Variants in ARHGAP24 observed in about 807,000 individuals in gnomAD.
ARHGAP24 encodes the protein Rho GTPase activating protein 24, also known as rho GTPase-activating protein 24.
Under a neutral mutation model 76.4 loss-of-function variants are expected in ARHGAP24, and 50 were observed. The observed-to-expected ratio is 0.65, with a 90% CI of 0.52 to 0.83. The LOEUF is 0.83. ARHGAP24 is among the 40% of genes least tolerant of loss of function. The pLI, the probability that ARHGAP24 is intolerant of heterozygous loss-of-function variation, is 0.00. For missense variants in ARHGAP24, 930 were observed against 914.2 expected (o/e 1.02, Z -0.22); for synonymous variants, 345 against 323.3 (o/e 1.07, Z -0.72).
intron 2 of ARHGAP24, among the ~76,000 whole-genome samples, chr4:85,704,717 A>G (rs1196993138): frequency 6.6e-6 from 1 of 152,160 alleles, no homozygotes; most frequent in Non-Finnish European, 1.5e-5. Flanking sequence ...TTACAAAGGA[A>G]ACTCCGAGGA....
chr4:85,936,210 C>T (rs1429575106), intron 4 of ARHGAP24, among the ~76,000 whole-genome samples: 2 of 152,000 alleles, frequency 1.3e-5, no homozygotes, highest in Admixed American at 6.6e-5. Context: ...GATCTGCAGA[C>T]AAGAAGGGAT....
chr4:85,685,663 T>G (rs987340888), intron 2 of ARHGAP24, among the ~76,000 whole-genome samples: 17 of 142,578 alleles, frequency 1.2e-4, no homozygotes, highest in African/African-American at 5.2e-4. Flanking sequence ...GAAAAAGAAG[T>G]CTCCACAAAG....
intron 1 of ARHGAP24, among the ~76,000 whole-genome samples, chr4:85,562,669 T>G (rs1726644626): frequency 6.6e-6 from 1 of 152,132 alleles, no homozygotes; most frequent in South Asian, 2.1e-4. Context: ...CCTACCACAC[T>G]CTTACTTTCA....
Position 85,644,678 on chromosome 4 carries a change from A to T in ARHGAP24, c.180+73957A>T, listed in dbSNP as rs565433818. The stretch of plus-strand genomic sequence containing the variant: ...CAAGAAATACTAATTAATGATAATG[A>T]CATGTATGTATGGCATCTCATAAAT... On this transcript the variant is annotated intron_variant, in intron 2 of 9. Coordinates refer to ENST00000395184, the MANE Select transcript of ARHGAP24 (RefSeq NM_001025616.3). Among the ~76,000 whole-genome samples, 8 of 152,304 alleles carry T rather than the reference A, an allele frequency of 5.3e-5. No homozygotes were observed. The South Asian group carries it at 1.7e-3, about 32-fold the overall frequency.
At chr4:85,487,552 T>C (rs1723137050) in intron 1 of ARHGAP24, among the ~76,000 whole-genome samples, 2 of 109,224 alleles carry the variant, frequency 1.8e-5, no homozygotes, top group Admixed American at 2.5e-4. Context: ...ATATATTTAT[T>C]ACATATTATA....
intron 3 of ARHGAP24, among the ~76,000 whole-genome samples, chr4:85,801,106 A>C (rs999838070): frequency 6.6e-6 from 1 of 152,178 alleles, no homozygotes; most frequent in Non-Finnish European, 1.5e-5. Flanking sequence ...ATTTTAAACT[A>C]TCTATAGTTT....
At chr4:85,936,760 A>G (rs1736658820) in intron 4 of ARHGAP24, among the ~76,000 whole-genome samples, 1 of 152,192 alleles carries the variant, frequency 6.6e-6, no homozygotes, top group Admixed American at 6.5e-5. Context: ...ACTTCACAGA[A>G]GATGTATGAG....
chr4:85,858,762 G>A (rs1488448827), intron 3 of ARHGAP24, among the ~76,000 whole-genome samples: 1 of 152,074 alleles, frequency 6.6e-6, no homozygotes, highest in Admixed American at 6.6e-5. Context: ...AAGGTGATCT[G>A]TACAAACGGT....
At chr4:85,842,816 G>A (rs1460715595) in intron 3 of ARHGAP24, among the ~76,000 whole-genome samples, 4 of 152,156 alleles carry the variant, frequency 2.6e-5, no homozygotes, top group Non-Finnish European at 4.4e-5. Flanking sequence ...TTTATTGAAC[G>A]TCTACTCTGT....
intron 4 of ARHGAP24, chr4:85,930,209 C>T: frequency 1.0e-6 from 1 of 980,592 alleles, no homozygotes; most frequent in Non-Finnish European, 1.2e-6. Context: ...AAGCTGCCTC[C>T]CCCCACAGAT....
intron 1 of ARHGAP24, among the ~76,000 whole-genome samples, chr4:85,519,845 GA>G (rs1176279674): frequency 6.6e-6 from 1 of 152,016 alleles, no homozygotes; most frequent in African/African-American, 2.4e-5. Context: ...AAAAACCAAA[GA>G]AAACTCTTTG....
chr4:85,947,105 T>A (rs1275117987), intron 5 of ARHGAP24, among the ~76,000 whole-genome samples: 1 of 152,230 alleles, frequency 6.6e-6, no homozygotes, highest in African/African-American at 2.4e-5. Flanking sequence ...TTTTTTCATA[T>A]GTTTGTTGGC....
chr4:85,531,794 T>A (rs754666808), intron 1 of ARHGAP24, among the ~76,000 whole-genome samples: 1 of 152,114 alleles, frequency 6.6e-6, no homozygotes, highest in Non-Finnish European at 1.5e-5. Flanking sequence ...ATCACTTATA[T>A]AAGCTAAGAA....
At chr4:85,803,585 T>C (rs17399908) in intron 3 of ARHGAP24, among the ~76,000 whole-genome samples, 40,300 of 152,200 alleles carry the variant, frequency 0.26, 6,860 homozygotes, top group Non-Finnish European at 0.39. Context: ...TGAAGCTTAA[T>C]TTGCCTCAAA....
rs1471775920 is a variant in ARHGAP24, at chr4:86,000,877, A to G, written c.*155A>G. 3.8e-5 allele frequency: 42 copies of G among 1,113,152 alleles called. No individual in the cohort carries two copies. Among genetic ancestry groups the G allele is most frequent in the Non-Finnish European group, 5.1e-5 (40 of 776,816 alleles). The allele number at this position is 1,113,152 out of a possible 1,614,324, so 69.0% of individuals were successfully genotyped here. A position where few individuals can be genotyped will look rare whatever the true frequency, so the allele number is the denominator to read the frequency against. On this transcript the variant is annotated 3_prime_UTR_variant, in exon 10 of 10. Transcript: ENST00000395184. ...CAGACATTAAACATCCATATCTGCA[A>G]TGTGTACCAAAGTTATATCATGCCC...
intron 1 of ARHGAP24, among the ~76,000 whole-genome samples, chr4:85,506,094 G>T (rs1414377129): frequency 1.3e-5 from 2 of 152,142 alleles, no homozygotes; most frequent in Non-Finnish European, 2.9e-5. Flanking sequence ...GAAGTCTGCT[G>T]CCTGATCATT....
chr4:85,707,881 A>T (rs186274516), intron 2 of ARHGAP24, among the ~76,000 whole-genome samples: 2 of 152,216 alleles, frequency 1.3e-5, no homozygotes, highest in Admixed American at 1.3e-4. Flanking sequence ...GTCATAAATT[A>T]CTTGTTAATT....
intron 5 of ARHGAP24, among the ~76,000 whole-genome samples, chr4:85,949,340 T>C (rs2118042): frequency 0.21 from 31,779 of 152,092 alleles, 3,580 homozygotes; most frequent in South Asian, 0.39. Context: ...AATCCAAATG[T>C]TTTTAGTTTA....
At chr4:85,594,586 C>G (rs758830355) in intron 2 of ARHGAP24, among the ~76,000 whole-genome samples, 13 of 151,936 alleles carry the variant, frequency 8.6e-5, no homozygotes, top group Non-Finnish European at 1.5e-4. Context: ...TATTCAAAAG[C>G]CATTGAATTG....
Sources: gnomAD v4.1 joint callset for allele counts (sites outside exome capture counted in the v4.1 genomes callset) on GRCh38, gnomAD v4.1.1 for gene constraint, MANE v1.5 for transcripts, NCBI Gene and HGNC (gene_info 2026-07-23, HGNC 2026-07-21) for gene names.